The following ADAMTS18 variants were observed in gnomAD, a reference collection of about 807,000 sequenced individuals.
The protein encoded by ADAMTS18 is ADAM metallopeptidase with thrombospondin type 1 motif 18.
A neutral mutation model predicts 165.9 loss-of-function variants in ADAMTS18; 157 were observed. That is an observed-to-expected ratio of 0.95 (90% CI 0.83 to 1.08). The LOEUF (loss-of-function observed/expected upper bound fraction) is 1.08. ADAMTS18 is among the 50% of genes least tolerant of loss of function. The pLI is 0.00. For missense variants in ADAMTS18, 2,040 were observed against 1,534.0 expected (o/e 1.33, Z -5.51); for synonymous variants, 782 against 578.2 (o/e 1.35, Z -5.06).
chr16:77,332,862 G>T (rs1039922553), intron 12 of ADAMTS18, among the ~76,000 whole-genome samples: 2 of 152,110 alleles, frequency 1.3e-5, no homozygotes, highest in Non-Finnish European at 2.9e-5. Flanking sequence ...AATTGAATTT[G>T]CTGTCAATAT....
At chr16:77,285,335 G>A (rs575576737) in intron 22 of ADAMTS18, among the ~76,000 whole-genome samples, 3 of 152,108 alleles carry the variant, frequency 2.0e-5, no homozygotes, top group Non-Finnish European at 1.5e-5. Context: ...ACCACGCCCA[G>A]TTAATTTTTG....
intron 2 of ADAMTS18, among the ~76,000 whole-genome samples, chr16:77,433,897 C>T (rs1356446977): frequency 6.6e-6 from 1 of 151,978 alleles, no homozygotes; most frequent in Non-Finnish European, 1.5e-5. Flanking sequence ...CCTGAAGTCA[C>T]CTGCTTTCCT....
At chr16:77,284,123 C>CT (rs34369567) in intron 22 of ADAMTS18, 52 bp from the exon 23 acceptor site, 136,765 of 929,776 alleles carry the variant, frequency 0.15, 1,395 homozygotes, top group Admixed American at 0.25. Flanking sequence ...TATCCTTTTT[C>CT]TTTTTTTTTT....
At chr16:77,410,503 C>T (rs1056157510) in intron 3 of ADAMTS18, among the ~76,000 whole-genome samples, 10 of 152,140 alleles carry the variant, frequency 6.6e-5, no homozygotes, top group Admixed American at 2.6e-4. Flanking sequence ...TATGGAGGTA[C>T]ACTAAAGATG....
chr16:77,369,151 T>A (rs1208911896), intron 3 of ADAMTS18, among the ~76,000 whole-genome samples: 1 of 152,228 alleles, frequency 6.6e-6, no homozygotes, highest in Non-Finnish European at 1.5e-5. Flanking sequence ...GCTTTATTGA[T>A]ATCCTCACAT....
chr16:77,394,082 T>C (rs1049078748), intron 3 of ADAMTS18, among the ~76,000 whole-genome samples: 1 of 152,228 alleles, frequency 6.6e-6, no homozygotes, highest in Non-Finnish European at 1.5e-5. Context: ...ATCAGCTTCA[T>C]TATAAAGATT....
chr16:77,400,450 G>GTGTC (rs1387492273), intron 3 of ADAMTS18, among the ~76,000 whole-genome samples: 6 of 84,676 alleles, frequency 7.1e-5, no homozygotes, highest in African/African-American at 2.4e-4. Flanking sequence ...GTGTGTGTGT[G>GTGTC]TGTGTCTGTG....
At chr16:77,345,138 G>T (rs1259816495) in intron 10 of ADAMTS18, among the ~76,000 whole-genome samples, 1 of 152,078 alleles carries the variant, frequency 6.6e-6, no homozygotes, top group African/African-American at 2.4e-5. Context: ...GTCACTTGCT[G>T]TGTCCTCCAG....
At chr16:77,334,765 G>GTATA (rs2056272058) in intron 12 of ADAMTS18, among the ~76,000 whole-genome samples, 1 of 7,292 alleles carries the variant, frequency 1.4e-4, no homozygotes, top group Non-Finnish European at 2.0e-4. Context: ...ATAGTATACA[G>GTATA]TATATATACT....
At position 77,353,863 on chromosome 16, in the gene ADAMTS18, A is replaced by G; in HGVS notation, c.1484T>C (p.Val495Ala). The G allele has an allele frequency of 6.2e-7, 1 of 1,614,176 alleles. No homozygotes were observed. Among genetic ancestry groups the G allele is most frequent in the African/African-American group, 1.3e-5 (1 of 75,058 alleles). Residue 495 changes from valine (V) to alanine (A), a missense_variant, in exon 10 of 23, where the codon GTG becomes GCG. Transcript: ENST00000282849. ...CTGTCCTGCTTGCTTGGGCTCATCC[A>G]CTAGACACCCCGCCTGAGGTGTGCT... Reference protein sequence around the residue: ...FLSTPQAGCLVDEPKQAGQYK... With the variant: ...FLSTPQAGCLADEPKQAGQYK...
chr16:77,361,304 T>C (rs184532395), intron 7 of ADAMTS18, among the ~76,000 whole-genome samples: 147 of 152,278 alleles, frequency 9.7e-4, no homozygotes, highest in Non-Finnish European at 1.7e-3. Context: ...TTAAAAAATG[T>C]TGAATTCCTA....
intron 3 of ADAMTS18, among the ~76,000 whole-genome samples, chr16:77,389,800 G>C (rs2057161304): frequency 6.6e-6 from 1 of 152,208 alleles, no homozygotes; most frequent in Admixed American, 6.5e-5. Context: ...GAGCTCAGTT[G>C]CTTGCAGCTA....
intron 3 of ADAMTS18, among the ~76,000 whole-genome samples, chr16:77,415,812 T>C (rs1426758685): frequency 1.3e-5 from 2 of 150,948 alleles, no homozygotes; most frequent in Admixed American, 1.3e-4. Context: ...TCCCAATGGA[T>C]GAAAAAATGA....
chr16:77,419,077 A>G (rs1220326968), intron 3 of ADAMTS18, among the ~76,000 whole-genome samples: 1 of 152,172 alleles, frequency 6.6e-6, no homozygotes, highest in East Asian at 1.9e-4. Context: ...TGAATCCAGG[A>G]GGCGGAGACT....
intron 21 of ADAMTS18, among the ~76,000 whole-genome samples, chr16:77,290,089 T>G (rs1049076229): frequency 2.0e-5 from 3 of 152,262 alleles, no homozygotes; most frequent in Admixed American, 2.0e-4. Flanking sequence ...TTAATTTTTC[T>G]TAAATGTACA....
chr16:77,425,695 T>C (rs1258169710), intron 3 of ADAMTS18, among the ~76,000 whole-genome samples: 4 of 152,154 alleles, frequency 2.6e-5, no homozygotes, highest in African/African-American at 9.7e-5. Context: ...ATTGCTCTTT[T>C]AGCGTGAACC....
intron 3 of ADAMTS18, among the ~76,000 whole-genome samples, chr16:77,383,768 C>G (rs1358086653): frequency 6.6e-6 from 1 of 152,122 alleles, no homozygotes; most frequent in African/African-American, 2.4e-5. Context: ...GTCTTGAACT[C>G]CTGACATCGT....
chr16:77,294,881 A>G (rs752461179), intron 19 of ADAMTS18, 42 bp downstream of exon 19: 1 of 1,600,136 alleles, frequency 6.2e-7, no homozygotes. Context: ...TTTTGCCTTC[A>G]TGGGGACCGA....
chr16:77,344,204 A>G (rs77975307), intron 10 of ADAMTS18, among the ~76,000 whole-genome samples: 1,914 of 150,714 alleles, frequency 0.013, 38 homozygotes, highest in African/African-American at 0.045. Context: ...GGTCTTGTAG[A>G]CCATAAAATT....
Sources: gnomAD v4.1 joint callset for allele counts (sites outside exome capture counted in the v4.1 genomes callset) on GRCh38, gnomAD v4.1.1 for gene constraint, MANE v1.5 for transcripts, NCBI Gene and HGNC (gene_info 2026-07-23, HGNC 2026-07-21) for gene names.